The following ST3GAL1 variants were observed in gnomAD, a reference collection of about 807,000 sequenced individuals.
ST3GAL1 encodes CMP-N-acetylneuraminate-beta-galactosamide-alpha-2,3-sialyltransferase 1.
A neutral mutation model predicts 34.1 loss-of-function variants in ST3GAL1; 16 were observed. The observed-to-expected ratio is 0.47, with a 90% CI of 0.32 to 0.71. The LOEUF (loss-of-function observed/expected upper bound fraction) is 0.71. Among genes scored for constraint, ST3GAL1 ranks in the 30% least tolerant of loss-of-function variants. The probability of loss-of-function intolerance (pLI) is 0.04; values close to 1 mark genes in which losing one functional copy is unlikely to be tolerated. For synonymous variants in ST3GAL1, 191 were observed against 184.7 expected (o/e 1.03, Z -0.28); for missense variants, 353 against 447.4 (o/e 0.79, Z 1.90).
intron 2 of ST3GAL1, among the ~76,000 whole-genome samples, chr8:133,506,925 TA>T (rs1334578876): frequency 6.8e-6 from 1 of 147,690 alleles, no homozygotes; most frequent in South Asian, 2.1e-4. Flanking sequence ...CTGTCTCTAC[TA>T]AAAAATAAAT....
intron 3 of ST3GAL1, among the ~76,000 whole-genome samples, chr8:133,486,591 A>C (rs1334619649): frequency 6.6e-6 from 1 of 152,230 alleles, no homozygotes. Context: ...GAGGCCTGAG[A>C]GGAGGTCCTG....
chr8:133,499,701 A>C (rs1445500131), intron 2 of ST3GAL1, among the ~76,000 whole-genome samples: 1 of 152,166 alleles, frequency 6.6e-6, no homozygotes, highest in Non-Finnish European at 1.5e-5. Flanking sequence ...ATTTAGCCTC[A>C]TGACAGTCCC....
rs1475727048 is a variant in ST3GAL1, at chr8:133,467,681, A to G, written c.307-1591T>C. ...ATCGGCTACTCCGGGCCCCAGGGGC[A>G]AGGGGTGGCTGGGAGAGGAAGGAGT... On this transcript the variant is annotated intron_variant, in intron 5 of 9. Transcript: ENST00000522652. The surrounding 1 kb of genome is among the most constrained non-coding windows in gnomAD (Gnocchi z 4.2). Among the ~76,000 whole-genome samples the G allele has an allele frequency of 2.0e-5, 3 of 152,290 alleles. No homozygotes were observed. In the East Asian group the frequency reaches 5.8e-4, roughly 29 times the overall value.
intron 3 of ST3GAL1, among the ~76,000 whole-genome samples, chr8:133,488,917 C>T (rs1352300146): frequency 1.3e-5 from 2 of 152,156 alleles, no homozygotes; most frequent in African/African-American, 4.8e-5. Flanking sequence ...TGGACAACCT[C>T]CTGGGAGCCA....
chr8:133,563,831 C>T (rs78804233), intron 1 of ST3GAL1, among the ~76,000 whole-genome samples: 7,911 of 152,204 alleles, frequency 0.052, 261 homozygotes, highest in Non-Finnish European at 0.064. Context: ...ATGTGCACCC[C>T]GAAGACCACC....
In ST3GAL1 at chr8:133,455,569, A is replaced by G. The variant is rs561195217; in HGVS notation, c.*4195T>C. The G allele has an allele frequency of 1.8e-4, 27 of 152,370 alleles. No individual in the cohort carries two copies. The highest frequency in any genetic ancestry group is 6.5e-4 in the African/African-American group (27 of 41,566). The allele number at this position is 152,370 out of a possible 1,614,324, so 9.4% of individuals were successfully genotyped here. ...ATCTCAAAACTAGCTAGCCCAGTCC[A>G]CAGGGCAGGATAATCCTGATGGCGT... On this transcript the variant is annotated 3_prime_UTR_variant, in exon 10 of 10. Transcript: ENST00000522652.
At chr8:133,511,330 T>C (rs1817492204) in intron 2 of ST3GAL1, among the ~76,000 whole-genome samples, 1 of 152,226 alleles carries the variant, frequency 6.6e-6, no homozygotes, top group African/African-American at 2.4e-5. Context: ...GTAATGGAAT[T>C]GTTCCAGCAC....
intron 2 of ST3GAL1, among the ~76,000 whole-genome samples, chr8:133,541,867 C>A (rs11782918): frequency 1.6e-4 from 24 of 152,062 alleles, no homozygotes; most frequent in African/African-American, 5.1e-4. Flanking sequence ...GGCCTGAACA[C>A]GGTTTAATAA....
At chr8:133,516,963 G>C (rs1232105327) in intron 2 of ST3GAL1, among the ~76,000 whole-genome samples, 13 of 152,156 alleles carry the variant, frequency 8.5e-5, no homozygotes, top group Admixed American at 6.5e-4. Context: ...GTACCTTCAG[G>C]GTGAACATAT....
intron 2 of ST3GAL1, among the ~76,000 whole-genome samples, chr8:133,510,699 C>T (rs926192662): frequency 5.3e-5 from 8 of 152,156 alleles, no homozygotes; most frequent in African/African-American, 1.7e-4. Context: ...AAGCACCGTT[C>T]CTCAGTTGCA....
In ST3GAL1 at chr8:133,543,452, T is replaced by G. The variant is rs566275749; in HGVS notation, c.-429+2322A>C. Among the ~76,000 whole-genome samples, 3 of 152,288 alleles carry G rather than the reference T, an allele frequency of 2.0e-5. No homozygotes were observed. In the South Asian group the frequency reaches 6.2e-4, roughly 32 times the overall value. ...AGTTGTGTTCTAAGATGCAAGTTTC[T>G]GATTTCAGGAAAAAATATAGAGAAA... On this transcript the variant is annotated intron_variant, in intron 2 of 9. Transcript: ENST00000522652.
intron 1 of ST3GAL1, among the ~76,000 whole-genome samples, chr8:133,569,293 T>C (rs1819493986): frequency 6.6e-6 from 1 of 152,200 alleles, no homozygotes; most frequent in Non-Finnish European, 1.5e-5. Flanking sequence ...GAAGGAGCCC[T>C]CTATTCATTC....
rs11776516 is a variant in ST3GAL1 at position 133,500,168 on chromosome 8, C to T, written c.-428-979G>A. ...GTCACAGCTGCTTTTGCTCCTGTCA[C>T]CTGTAATGCACTTTTCCACCAGGGA... On this transcript the variant is annotated intron_variant, in intron 2 of 9. Coordinates refer to ENST00000522652, the MANE Select transcript of ST3GAL1 (RefSeq NM_173344.3). 9.8e-3 allele frequency among the ~76,000 whole-genome samples: 1,491 copies of T among 152,280 alleles called. 11 individuals are homozygous for T. Among genetic ancestry groups the T allele is most frequent in the Non-Finnish European group, 0.015 (1,053 of 68,030 alleles).
chr8:133,531,855 C>T (rs968727398), intron 2 of ST3GAL1, among the ~76,000 whole-genome samples: 2 of 145,826 alleles, frequency 1.4e-5, no homozygotes, highest in African/African-American at 2.5e-5. Context: ...TTCTTAACCA[C>T]TGTACTGCGG....
intron 7 of ST3GAL1, 34 bp from the exon 8 acceptor site, chr8:133,463,493 G>A: frequency 6.2e-7 from 1 of 1,611,522 alleles, no homozygotes; most frequent in Non-Finnish European, 8.5e-7. Context: ...GGTTAATGGG[G>A]CAGGGGACAG....
In ST3GAL1 at chr8:133,457,808, C is replaced by G. The variant is rs1815356542; in HGVS notation, c.*1956G>C. The stretch of plus-strand genomic sequence containing the variant: ...GACCCATGACTGATGTCCCCAAGTT[C>G]CTCCCTCCCCGTGTGCAGAGGGGGC... On this transcript the variant is annotated 3_prime_UTR_variant, in exon 10 of 10. Transcript: ENST00000522652. The G allele has an allele frequency of 6.6e-6, 1 of 152,240 alleles. No individual in the cohort carries two copies. Among genetic ancestry groups the G allele is most frequent in the Admixed American group, 6.5e-5 (1 of 15,292 alleles). The allele number at this position is 152,240 out of a possible 1,614,324, so 9.4% of individuals were successfully genotyped here.
chr8:133,482,528 C>T (rs1189777452), intron 3 of ST3GAL1, among the ~76,000 whole-genome samples: 4 of 152,242 alleles, frequency 2.6e-5, no homozygotes, highest in African/African-American at 9.6e-5. Context: ...GCCACCACCT[C>T]CCTGCCCCAC....
chr8:133,471,086 T>C (rs762647441), intron 5 of ST3GAL1, among the ~76,000 whole-genome samples: 2 of 152,098 alleles, frequency 1.3e-5, no homozygotes, highest in Non-Finnish European at 2.9e-5. Context: ...CCTGGAAATA[T>C]CAGTCTCTGG....
chr8:133,513,561 G>A (rs1817556559), intron 2 of ST3GAL1, among the ~76,000 whole-genome samples: 2 of 152,116 alleles, frequency 1.3e-5, no homozygotes, highest in African/African-American at 2.4e-5. Flanking sequence ...GAGATGGCAC[G>A]GCTCTCAAAG....
Sources: gnomAD v4.1 joint callset for allele counts (sites outside exome capture counted in the v4.1 genomes callset) on GRCh38, gnomAD v4.1.1 for gene constraint, Gnocchi (gnomAD v3.1) non-coding constraint, MANE v1.5 for transcripts, NCBI Gene and HGNC (gene_info 2026-07-23, HGNC 2026-07-21) for gene names.